Variants in SPIDR observed in about 807,000 individuals in gnomAD.
SPIDR encodes the protein scaffold protein involved in DNA repair.
In SPIDR, 93 loss-of-function variants were observed where a neutral mutation model predicts 104.6. That is an observed-to-expected ratio of 0.89 (90% CI 0.75 to 1.06). The LOEUF is 1.06. Among genes scored for constraint, SPIDR ranks in the 50% least tolerant of loss-of-function variants. SPIDR has a pLI of 0.00. For missense variants in SPIDR, 1,154 were observed against 1,111.2 expected (o/e 1.04, Z -0.55); for synonymous variants, 431 against 416.9 (o/e 1.03, Z -0.41).
chr8:47,447,293 A>G (rs2070838950), intron 8 of SPIDR, among the ~76,000 whole-genome samples: 1 of 152,150 alleles, frequency 6.6e-6, no homozygotes, highest in Admixed American at 6.5e-5. Context: ...GGCTCACTGC[A>G]ACCTCCGCCT....
intron 8 of SPIDR, among the ~76,000 whole-genome samples, chr8:47,521,639 G>A (rs923018327): frequency 6.6e-6 from 1 of 151,272 alleles, no homozygotes; most frequent in Non-Finnish European, 1.5e-5. Flanking sequence ...GGCCAGGCTG[G>A]TCTTGAACTC....
At position 47,599,120 on chromosome 8, in the gene SPIDR, T is replaced by C. The variant is rs2061962231; in HGVS notation, c.1468T>C (p.Tyr490His). 31 of 1,613,156 alleles carry C rather than the reference T, an allele frequency of 1.9e-5. No individual in the cohort carries two copies. Among genetic ancestry groups the C allele is most frequent in the Non-Finnish European group, 2.6e-5 (31 of 1,179,666 alleles). The change falls in exon 10 of 20, where the codon TAT becomes CAT. Residue 490 changes from tyrosine (Y) to histidine (H), a missense_variant. Coordinates refer to ENST00000297423, the MANE Select transcript of SPIDR (RefSeq NM_001080394.4). ...AGTCCGAGTGGTGGTGCAAAGAGTG[T>C]ATTCTCTTCCCAGCAGAGACAGCAC... ...AGVRVVVQRV[Y>H]SLPSRDSTRG...
chr8:47,576,931 G>GT (rs2059195938), intron 8 of SPIDR, among the ~76,000 whole-genome samples: 1 of 152,114 alleles, frequency 6.6e-6, no homozygotes, highest in Non-Finnish European at 1.5e-5. Context: ...TTCTGTATTT[G>GT]ACCTGCCATA....
chr8:47,652,575 G>T (rs2071865225), intron 10 of SPIDR, among the ~76,000 whole-genome samples: 1 of 152,078 alleles, frequency 6.6e-6, no homozygotes, highest in African/African-American at 2.4e-5. Context: ...AACTGAATAT[G>T]GTTCGTCTTC....
chr8:47,624,652 T>C (rs1030984776), intron 10 of SPIDR, among the ~76,000 whole-genome samples: 1 of 152,146 alleles, frequency 6.6e-6, no homozygotes, highest in Non-Finnish European at 1.5e-5. Flanking sequence ...ATGGATACAT[T>C]CCTCGACACA....
At chr8:47,328,831 A>G (rs2048151046) in intron 5 of SPIDR, among the ~76,000 whole-genome samples, 1 of 151,548 alleles carries the variant, frequency 6.6e-6, no homozygotes, top group Non-Finnish European at 1.5e-5. Flanking sequence ...TTTTTTCTCA[A>G]GTCTTTCCTC....
intron 8 of SPIDR, among the ~76,000 whole-genome samples, chr8:47,464,651 TTGTCTAGTCC>T (rs1554715844): frequency 6.6e-6 from 1 of 152,018 alleles, no homozygotes; most frequent in African/African-American, 2.4e-5. Flanking sequence ...CCCTTTTGTC[TTGTCTAGTCC>T]TGTCCTGTCC....
intron 8 of SPIDR, chr8:47,511,701 T>C (rs1289238409): frequency 1.0e-5 from 10 of 991,700 alleles, no homozygotes; most frequent in Admixed American, 3.4e-5. Flanking sequence ...CGGCAAATGG[T>C]CTTGGTGTAC....
chr8:47,526,091 G>A (rs760457131), intron 8 of SPIDR, among the ~76,000 whole-genome samples: 2 of 152,190 alleles, frequency 1.3e-5, no homozygotes, highest in African/African-American at 2.4e-5. Context: ...TAAACTTAGA[G>A]CCTCTGAATT....
chr8:47,551,876 T>G (rs1253431808), intron 8 of SPIDR, among the ~76,000 whole-genome samples: 1 of 152,230 alleles, frequency 6.6e-6, no homozygotes, highest in Admixed American at 6.5e-5. Context: ...GTGTCAATTT[T>G]AGAACTTTCC....
chr8:47,474,762 CA>C (rs2076099878), intron 8 of SPIDR, among the ~76,000 whole-genome samples: 1 of 152,102 alleles, frequency 6.6e-6, no homozygotes, highest in Non-Finnish European at 1.5e-5. Flanking sequence ...GAATTCAGTC[CA>C]ACACAGAGTT....
intron 7 of SPIDR, among the ~76,000 whole-genome samples, chr8:47,436,229 G>T (rs559264008): frequency 9.3e-4 from 141 of 152,286 alleles, no homozygotes; most frequent in African/African-American, 3.3e-3. Flanking sequence ...AAAGTATTTG[G>T]GGATTTTCAA....
At chr8:47,565,303 T>C (rs2057644313) in intron 8 of SPIDR, among the ~76,000 whole-genome samples, 1 of 152,088 alleles carries the variant, frequency 6.6e-6, no homozygotes. Context: ...GACTTCCTGT[T>C]TGGGGGACAT....
chr8:47,484,296 T>C (rs1283933314), intron 8 of SPIDR, among the ~76,000 whole-genome samples: 1 of 152,258 alleles, frequency 6.6e-6, no homozygotes, highest in East Asian at 1.9e-4. Context: ...TTTTAAGGGC[T>C]TTATACATAT....
chr8:47,541,535 C>G (rs1487776435), intron 8 of SPIDR, among the ~76,000 whole-genome samples: 1 of 152,218 alleles, frequency 6.6e-6, no homozygotes, highest in Non-Finnish European at 1.5e-5. Flanking sequence ...GCAATTCTTG[C>G]ACATTTCACA....
chr8:47,477,060 C>G (rs945698371), intron 8 of SPIDR, among the ~76,000 whole-genome samples: 2 of 152,182 alleles, frequency 1.3e-5, no homozygotes, highest in Admixed American at 6.5e-5. Flanking sequence ...TTTATTGGCC[C>G]TCTTATCATG....
At chr8:47,581,788 C>A (rs572957750) in intron 8 of SPIDR, among the ~76,000 whole-genome samples, 1 of 152,320 alleles carries the variant, frequency 6.6e-6, no homozygotes, top group Non-Finnish European at 1.5e-5. Flanking sequence ...AAAAAAATTT[C>A]TATTTGCCTT....
Position 47,598,931 on chromosome 8 carries a change from A to G in SPIDR, c.1294-15A>G, listed in dbSNP as rs764369674. On this transcript the variant is annotated splice_polypyrimidine_tract_variant and intron_variant, in intron 9 of 19. Coordinates refer to ENST00000297423, the MANE Select transcript of SPIDR (RefSeq NM_001080394.4). Reference sequence around the variant, plus strand: ...TGTGAGTCTTGAAACTGTTCCCTTTATGTGTCTTGGCCAGGTTGTGTGTAG... The same window carrying G: ...TGTGAGTCTTGAAACTGTTCCCTTTGTGTGTCTTGGCCAGGTTGTGTGTAG... 9.9e-6 allele frequency: 16 copies of G among 1,613,190 alleles called. No individual in the cohort carries two copies. Among genetic ancestry groups the G allele is most frequent in the Non-Finnish European group, 1.3e-5 (15 of 1,179,450 alleles).
chr8:47,331,042 T>C (rs2048575967), intron 5 of SPIDR: 1 of 305,126 alleles, frequency 3.3e-6, no homozygotes, highest in Non-Finnish European at 6.6e-6. Context: ...TTTTAGCCAT[T>C]CTAGTAAGTA....
Sources: allele counts gnomAD v4.1 joint callset (sites outside exome capture counted in the v4.1 genomes callset), GRCh38; gene constraint gnomAD v4.1.1; transcripts MANE v1.5; gene names NCBI Gene and HGNC (gene_info 2026-07-23, HGNC 2026-07-21).